The following RBFOX3 variants were observed in gnomAD, a reference collection of about 807,000 sequenced individuals.
RBFOX3 encodes RNA binding protein fox-1 homolog 3.
A neutral mutation model predicts 48.7 loss-of-function variants in RBFOX3; 17 were observed. The ratio of observed to expected loss-of-function variants is 0.35; its 90% CI spans 0.24 to 0.52. The LOEUF is 0.52. Among genes scored for constraint, RBFOX3 ranks in the 20% least tolerant of loss-of-function variants. RBFOX3 has a pLI of 0.94. For synonymous variants in RBFOX3, 212 were observed against 209.5 expected, an observed-to-expected ratio of 1.01 and a Z score of -0.10; for missense variants, 382 against 497.5, an observed-to-expected ratio of 0.77 and a Z score of 2.21.
intron 2 of RBFOX3, among the ~76,000 whole-genome samples, chr17:79,403,788 T>C (rs1400676798): frequency 1.2e-4 from 17 of 146,892 alleles, no homozygotes; most frequent in African/African-American, 2.5e-4. Flanking sequence ...TTTTCTTTTT[T>C]TTTTTTTTTT....
intron 1 of RBFOX3, among the ~76,000 whole-genome samples, chr17:79,577,209 A>C (rs2144702036): frequency 6.6e-6 from 1 of 152,288 alleles, no homozygotes; most frequent in South Asian, 2.1e-4. Context: ...CAAGATCTAA[A>C]CTTTCCAAAA....
In RBFOX3 at chr17:79,148,937, C is replaced by T. The variant is rs544633029; in HGVS notation, c.-33-33189G>A. 1.5e-4 allele frequency among the ~76,000 whole-genome samples: 23 copies of T among 152,278 alleles called. No individual in the cohort carries two copies. The East Asian group carries it at 4.1e-3, about 27-fold the overall frequency. On this transcript the variant is annotated intron_variant, in intron 4 of 14. Coordinates refer to ENST00000693108, the MANE Select transcript of RBFOX3 (RefSeq NM_001350451.2). ...GGGGATGGAGGGGGACAGCCTGGGG[C>T]TTTCTCCAGGAACTTCAAGGGGCTG...
At chr17:79,594,947 C>T (rs2093529305) in intron 1 of RBFOX3, among the ~76,000 whole-genome samples, 2 of 152,164 alleles carry the variant, frequency 1.3e-5, no homozygotes, top group Admixed American at 6.5e-5. Flanking sequence ...GGGTGCCACA[C>T]AGAGGGCCAG....
At chr17:79,331,382 C>T (rs2080261975) in intron 2 of RBFOX3, among the ~76,000 whole-genome samples, 2 of 152,172 alleles carry the variant, frequency 1.3e-5, no homozygotes, top group South Asian at 4.1e-4. Flanking sequence ...CCAGAGTCAA[C>T]AAGCCCCTTC....
chr17:79,259,308 G>A (rs1166141882), intron 3 of RBFOX3, among the ~76,000 whole-genome samples: 1 of 152,228 alleles, frequency 6.6e-6, no homozygotes, highest in Non-Finnish European at 1.5e-5. Context: ...GCACAGCACC[G>A]ATCTCGGGTA....
chr17:79,638,304 G>GT, the RBFOX3 span, among the ~76,000 whole-genome samples: 266 of 88,306 alleles, frequency 3.0e-3, no homozygotes, highest in Middle Eastern at 6.5e-3. Flanking sequence ...AACTGAGTTG[G>GT]TTTTTTTTTT....
At chr17:79,544,514 C>T (rs1287530984) in intron 1 of RBFOX3, among the ~76,000 whole-genome samples, 1 of 152,056 alleles carries the variant, frequency 6.6e-6, no homozygotes, top group African/African-American at 2.4e-5. Context: ...GCAGAAGGAT[C>T]AGGAGCCCCC....
intron 2 of RBFOX3, among the ~76,000 whole-genome samples, chr17:79,439,033 T>A (rs1243783722): frequency 6.6e-6 from 1 of 152,194 alleles, no homozygotes; most frequent in Non-Finnish European, 1.5e-5. Context: ...ATTTTACAGT[T>A]CACATTTTCT....
chr17:79,163,167 C>T (rs1285426559), intron 4 of RBFOX3, among the ~76,000 whole-genome samples: 1 of 152,228 alleles, frequency 6.6e-6, no homozygotes, highest in Admixed American at 6.5e-5. Flanking sequence ...GAGCATCCGG[C>T]CCCAGGACCC....
Position 79,477,513 on chromosome 17 carries a change from C to G in RBFOX3, c.-175+4941G>C, listed in dbSNP as rs756138083. Among the ~76,000 whole-genome samples the G allele has an allele frequency of 1.6e-3, 236 of 151,748 alleles. 1 individual carries two copies. The highest frequency in any genetic ancestry group is 3.6e-3 in the African/African-American group (151 of 41,382). On this transcript the variant is annotated intron_variant, in intron 2 of 14. Coordinates refer to ENST00000693108, the MANE Select transcript of RBFOX3 (RefSeq NM_001350451.2). This position sits in a 1 kb window ranked among gnomAD's most constrained non-coding sequence, Gnocchi z 4.8. ...GGAGTTTGCAGTGAGCTGAGATCGC[C>G]CCATCGCACTCCAGCCTGGGCGACA...
At chr17:79,182,205 G>A (rs1054631324) in intron 4 of RBFOX3, among the ~76,000 whole-genome samples, 7 of 152,124 alleles carry the variant, frequency 4.6e-5, no homozygotes, top group African/African-American at 1.4e-4. Flanking sequence ...GGCCCTGCAG[G>A]CCCCAGGATG....
At chr17:79,300,968 G>T (rs1048515173) in intron 3 of RBFOX3, among the ~76,000 whole-genome samples, 1 of 152,302 alleles carries the variant, frequency 6.6e-6, no homozygotes, top group African/African-American at 2.4e-5. Flanking sequence ...CAGGGCTGAC[G>T]CAGGGCCCTG....
chr17:79,227,080 C>T (rs924339155), intron 4 of RBFOX3, among the ~76,000 whole-genome samples: 1 of 152,198 alleles, frequency 6.6e-6, no homozygotes, highest in African/African-American at 2.4e-5. Flanking sequence ...CTCTTCCCTC[C>T]CTCCTTCCCT....
chr17:79,407,974 C>T (rs1225041294), intron 2 of RBFOX3, among the ~76,000 whole-genome samples: 1 of 152,218 alleles, frequency 6.6e-6, no homozygotes, highest in African/African-American at 2.4e-5. Context: ...GGAGCTGTGT[C>T]GAGCACGGAA....
chr17:79,138,512 T>C lies in RBFOX3; in HGVS notation c.-33-22764A>G, dbSNP rs181004665. Among the ~76,000 whole-genome samples the C allele has an allele frequency of 2.4e-3, 367 of 152,104 alleles. 2 individuals carry two copies. Among genetic ancestry groups the C allele is most frequent in the African/African-American group, 8.3e-3 (346 of 41,452 alleles). ...TCCAGGTAATACGTACAGCCCACAC[T>C]GCATCCACACGCATATACACTGTGC... On this transcript the variant is annotated intron_variant, in intron 4 of 14. Transcript: ENST00000693108.
At chr17:79,387,989 T>C (rs2060804888) in intron 2 of RBFOX3, among the ~76,000 whole-genome samples, 2 of 136,382 alleles carry the variant, frequency 1.5e-5, no homozygotes, top group South Asian at 5.5e-4. Context: ...TGTGTGCATG[T>C]GTGAATGTGT....
At position 79,458,165 on chromosome 17, in the gene RBFOX3, G is replaced by T. The variant is rs553725251; in HGVS notation, c.-175+24289C>A. ...TCTGCCAGGCCCACATGGTAGGCAG[G>T]CACGCAGTGTCTCGAAGCAGTCGGC... On this transcript the variant is annotated intron_variant, in intron 2 of 14. Coordinates refer to ENST00000693108, the MANE Select transcript of RBFOX3 (RefSeq NM_001350451.2). Among the ~76,000 whole-genome samples, 275 of 152,346 alleles carry T rather than the reference G, an allele frequency of 1.8e-3. 1 individual carries two copies. The highest frequency in any genetic ancestry group is 6.4e-3 in the African/African-American group (265 of 41,582).
chr17:79,175,750 GA>G (rs1250306374), intron 4 of RBFOX3, among the ~76,000 whole-genome samples: 2 of 152,260 alleles, frequency 1.3e-5, no homozygotes, highest in Non-Finnish European at 1.5e-5. Context: ...GGGTGATTAA[GA>G]GGCTGTTCAG....
At chr17:79,170,670 T>C (rs1218107901) in intron 4 of RBFOX3, among the ~76,000 whole-genome samples, 1 of 152,024 alleles carries the variant, frequency 6.6e-6, no homozygotes, top group African/African-American at 2.4e-5. Flanking sequence ...CCCCTGCCCA[T>C]ACCCCTGTTC....
Sources: gnomAD v4.1 joint callset for allele counts (sites outside exome capture counted in the v4.1 genomes callset) on GRCh38, gnomAD v4.1.1 for gene constraint, Gnocchi (gnomAD v3.1) non-coding constraint, MANE v1.5 for transcripts, NCBI Gene and HGNC (gene_info 2026-07-23, HGNC 2026-07-21) for gene names.